MBD5: variants seen among roughly 807,000 people sequenced by gnomAD.
MBD5 encodes the protein methyl-CpG binding domain protein 5, also known as methyl-CpG-binding domain protein 5.
Under a neutral mutation model 117.3 loss-of-function variants are expected in MBD5, and 13 were observed. The ratio of observed to expected loss-of-function variants is 0.11; its 90% CI spans 0.07 to 0.18. MBD5 has a LOEUF of 0.18. MBD5 is among the 10% of genes least tolerant of loss of function. The probability of loss-of-function intolerance (pLI) is 1.00; values close to 1 mark genes in which losing one functional copy is unlikely to be tolerated. For missense variants in MBD5, 1,879 were observed against 2,093.8 expected, an observed-to-expected ratio of 0.90 and a Z score of 2.00; for synonymous variants, 727 against 766.4, an observed-to-expected ratio of 0.95 and a Z score of 0.85.
At chr2:148,306,666 G>A (rs1267845235) in intron 3 of MBD5, among the ~76,000 whole-genome samples, 2 of 152,096 alleles carry the variant, frequency 1.3e-5, no homozygotes, top group Non-Finnish European at 2.9e-5. Flanking sequence ...AACCAGCAAT[G>A]TTTCAAACAA....
At chr2:148,252,731 G>A (rs1293757089) in intron 3 of MBD5, among the ~76,000 whole-genome samples, 2 of 152,010 alleles carry the variant, frequency 1.3e-5, no homozygotes, top group Admixed American at 1.3e-4. Flanking sequence ...TGTATTTTTT[G>A]TAGAGACAGG....
intron 4 of MBD5, among the ~76,000 whole-genome samples, chr2:148,427,443 G>A (rs1162162421): frequency 6.6e-6 from 1 of 151,982 alleles, no homozygotes; most frequent in African/African-American, 2.4e-5. Context: ...TATACACCAT[G>A]GAATACTATG....
chr2:148,269,545 T>G (rs1324796536), intron 3 of MBD5, among the ~76,000 whole-genome samples: 2 of 151,846 alleles, frequency 1.3e-5, no homozygotes. Flanking sequence ...ATTATTTCAT[T>G]TCCTACAGTG....
intron 1 of MBD5, among the ~76,000 whole-genome samples, chr2:148,140,786 A>G (rs1177535085): frequency 6.6e-6 from 1 of 151,102 alleles, no homozygotes; most frequent in Non-Finnish European, 1.5e-5. Context: ...TCCCGAAGAT[A>G]GGGCCTATTG....
chr2:148,428,003 G>C (rs1574413774), intron 4 of MBD5, among the ~76,000 whole-genome samples: 1 of 152,260 alleles, frequency 6.6e-6, no homozygotes, highest in Non-Finnish European at 1.5e-5. Flanking sequence ...AAGGCAATTA[G>C]ACAAGAGAAA....
At chr2:148,357,622 T>C (rs1916960) in intron 4 of MBD5, among the ~76,000 whole-genome samples, 76,374 of 151,670 alleles carry the variant, frequency 0.5, 19,445 homozygotes, top group East Asian at 0.74. Flanking sequence ...AATTCTCCCC[T>C]AACCCACCTT....
chr2:148,325,812 C>T (rs184668736), intron 3 of MBD5, among the ~76,000 whole-genome samples: 70 of 151,836 alleles, frequency 4.6e-4, no homozygotes, highest in African/African-American at 1.4e-3. Context: ...ATTTTTTGAA[C>T]GGTTTTTTGT....
chr2:148,474,859 C>T (rs1403338329), intron 8 of MBD5, among the ~76,000 whole-genome samples: 3 of 152,058 alleles, frequency 2.0e-5, no homozygotes. Context: ...GGGTAAAAGA[C>T]TACAAAGTAA....
intron 5 of MBD5, among the ~76,000 whole-genome samples, chr2:148,462,036 C>T (rs1707098556): frequency 6.6e-6 from 1 of 152,048 alleles, no homozygotes; most frequent in South Asian, 2.1e-4. Context: ...TTTAAAGAAA[C>T]ACATGGGTAA....
intron 1 of MBD5, among the ~76,000 whole-genome samples, chr2:148,050,934 C>G (rs987657480): frequency 6.6e-6 from 1 of 152,102 alleles, no homozygotes; most frequent in African/African-American, 2.4e-5. Flanking sequence ...TTAAAATCAG[C>G]TTGTCCCTTT....
intron 4 of MBD5, among the ~76,000 whole-genome samples, chr2:148,352,927 A>T (rs979849566): frequency 1.3e-5 from 2 of 152,108 alleles, no homozygotes; most frequent in Non-Finnish European, 2.9e-5. Flanking sequence ...TATTCTATCT[A>T]CCCAAGGATT....
At chr2:148,208,440 A>G (rs956702442) in intron 2 of MBD5, among the ~76,000 whole-genome samples, 2 of 151,978 alleles carry the variant, frequency 1.3e-5, no homozygotes, top group African/African-American at 4.8e-5. Flanking sequence ...AATTTTTAGT[A>G]GAGATGGAGT....
Position 148,509,270 on chromosome 2 carries a change from G to A in MBD5, c.5037-790G>A, listed in dbSNP as rs372606407. Reference sequence around the variant, plus strand: ...CAAGTTAACAGTCAGGATGGGCAAAGTGTACATAACCACAGAGGTGGGTAG... The same window carrying A: ...CAAGTTAACAGTCAGGATGGGCAAAATGTACATAACCACAGAGGTGGGTAG... On this transcript the variant is annotated intron_variant, in intron 12 of 13. Transcript: ENST00000642680. Among the ~76,000 whole-genome samples the A allele has an allele frequency of 1.2e-3, 185 of 152,344 alleles. 5 individuals carry two copies. The highest frequency in any genetic ancestry group is 0.01 in the East Asian group (53 of 5,192).
intron 3 of MBD5, among the ~76,000 whole-genome samples, chr2:148,255,535 T>G (rs2106267041): frequency 6.6e-6 from 1 of 152,286 alleles, no homozygotes; most frequent in Non-Finnish European, 1.5e-5. Context: ...CAACCAGGTT[T>G]TCTATTCCCC....
At chr2:148,415,533 T>G (rs1299284798) in intron 4 of MBD5, among the ~76,000 whole-genome samples, 1 of 152,360 alleles carries the variant, frequency 6.6e-6, no homozygotes, top group East Asian at 1.9e-4. Context: ...TGGGAAATTT[T>G]CATGGCTGAT....
chr2:148,204,911 A>C (rs1197079110), intron 2 of MBD5, among the ~76,000 whole-genome samples: 1 of 152,132 alleles, frequency 6.6e-6, no homozygotes, highest in Non-Finnish European at 1.5e-5. Context: ...AGAAAGACTA[A>C]AATGTGGGAA....
chr2:148,165,375 C>A (rs1698103046), intron 1 of MBD5, among the ~76,000 whole-genome samples: 1 of 151,924 alleles, frequency 6.6e-6, no homozygotes, highest in South Asian at 2.1e-4. Flanking sequence ...GACCTTTTTA[C>A]CAATAAAAAG....
At chr2:148,408,828 CT>C (rs60467047) in intron 4 of MBD5, among the ~76,000 whole-genome samples, 4 of 151,026 alleles carry the variant, frequency 2.6e-5, no homozygotes, top group Admixed American at 6.6e-5. Flanking sequence ...TATGTACAGG[CT>C]TTTTTTTTCT....
chr2:148,429,735 C>G (rs572149081), intron 4 of MBD5, among the ~76,000 whole-genome samples: 1 of 152,194 alleles, frequency 6.6e-6, no homozygotes, highest in East Asian at 1.9e-4. Flanking sequence ...TCTCAGCAAA[C>G]TAACACAAGA....
Sources: gnomAD v4.1 joint callset for allele counts (sites outside exome capture counted in the v4.1 genomes callset) on GRCh38, gnomAD v4.1.1 for gene constraint, MANE v1.5 for transcripts, NCBI Gene and HGNC (gene_info 2026-07-23, HGNC 2026-07-21) for gene names.